The following ARMC6 variants were observed in gnomAD, a reference collection of about 807,000 sequenced individuals.
ARMC6 encodes armadillo repeat containing 6.
ARMC6 carries 43 observed loss-of-function variants against 49.2 expected under a neutral mutation model. The observed-to-expected ratio is 0.87, with a 90% CI of 0.69 to 1.13. The LOEUF (loss-of-function observed/expected upper bound fraction) is 1.13, where lower values mean the gene tolerates loss of function less well. Ranked by LOEUF, ARMC6 falls within the 50% of genes most tolerant of loss-of-function variation. The pLI is 0.00. For synonymous variants in ARMC6, 262 were observed against 289.6 expected (o/e 0.90, Z 0.97); for missense variants, 627 against 682.0 (o/e 0.92, Z 0.90).
intron 4 of ARMC6, among the ~76,000 whole-genome samples, chr19:19,044,955 G>C (rs2059437466): frequency 6.6e-6 from 1 of 152,124 alleles, no homozygotes; most frequent in Admixed American, 6.5e-5. Flanking sequence ...CCTCGTTGTT[G>C]TTAGTTTGCT....
chr19:19,040,322 T>C (rs2059401624), intron 2 of ARMC6, among the ~76,000 whole-genome samples: 2 of 152,162 alleles, frequency 1.3e-5, no homozygotes, highest in Admixed American at 1.3e-4. Context: ...TATCTGTTTC[T>C]CTCCTGTCAC....
rs187002565 is a variant in ARMC6 at position 19,045,072 on chromosome 19, G to A, written c.279+998G>A. 3.2e-4 allele frequency among the ~76,000 whole-genome samples: 49 copies of A among 150,976 alleles called. No individual in the cohort carries two copies. The East Asian group carries it at 6.0e-3, about 18-fold the overall frequency. ...GTTGCCCAGGCTGGTGTGCACTGGCGTGATCTCAGCTCACTGCAACTTCCA... is the reference window on the plus strand; with the variant it reads ...GTTGCCCAGGCTGGTGTGCACTGGCATGATCTCAGCTCACTGCAACTTCCA... On this transcript the variant is annotated intron_variant, in intron 4 of 8. Coordinates refer to ENST00000535612, the MANE Select transcript of ARMC6 (RefSeq NM_001199196.2).
chr19:19,054,824 G>T (rs1364495317), intron 6 of ARMC6, among the ~76,000 whole-genome samples: 2 of 152,154 alleles, frequency 1.3e-5, no homozygotes, highest in Non-Finnish European at 2.9e-5. Context: ...AAGTGGCCAG[G>T]AGCTGAATGG....
At position 19,055,995 on chromosome 19, in the gene ARMC6, A is replaced by G. The variant is rs1470025991; in HGVS notation, c.1293+67A>G. ...ATGTGCAGGTAGGTGCAGAGAGGGC[A>G]TGGGAGCAGGTGCGGTGTGCGGGTG... On this transcript the variant is annotated intron_variant, in intron 8 of 8. Transcript: ENST00000535612. The surrounding 1 kb of genome is among the most constrained non-coding windows in gnomAD (Gnocchi z 5.7). 6.5e-7 allele frequency: 1 copy of G among 1,534,236 alleles called. No homozygotes were observed. Among genetic ancestry groups the G allele is most frequent in the Non-Finnish European group, 8.8e-7 (1 of 1,139,980 alleles).
chr19:19,052,016 T>C lies in ARMC6; in HGVS notation c.674T>C (p.Leu225Pro), dbSNP rs1164082723. The C allele has an allele frequency of 6.2e-7, 1 of 1,614,080 alleles. No homozygotes were observed. Among genetic ancestry groups the C allele is most frequent in the Non-Finnish European group, 8.5e-7 (1 of 1,180,048 alleles). ...DLVKAGVLPLLTGAITHHGHH... is the reference protein window; with the variant it reads ...DLVKAGVLPLPTGAITHHGHH... ...GTGAAAGCTGGCGTGCTGCCTCTGC[T>C]GACTGGTGCCATCACCCATCATGGC... Residue 225 changes from leucine to proline, a missense_variant, in exon 5 of 9, where the codon CTG becomes CCG. By Grantham distance (98) the Leu-to-Pro change is moderately conservative. Transcript: ENST00000535612.
chr19:19,054,821 C>A (rs2059529901), intron 6 of ARMC6, among the ~76,000 whole-genome samples: 1 of 152,182 alleles, frequency 6.6e-6, no homozygotes, highest in African/African-American at 2.4e-5. Context: ...TGCAAGTGGC[C>A]AGGAGCTGAA....
chr19:19,043,265 G>T (rs2059424181), intron 3 of ARMC6, among the ~76,000 whole-genome samples: 1 of 152,236 alleles, frequency 6.6e-6, no homozygotes, highest in Non-Finnish European at 1.5e-5. Context: ...GATGAGTGTG[G>T]TTATGAGGGG....
At chr19:19,034,046 G>T (rs1046635944) in intron 1 of ARMC6, 85 bp from the exon 2 acceptor site, 3 of 598,532 alleles carry the variant, frequency 5.0e-6, no homozygotes, top group East Asian at 3.0e-5. Flanking sequence ...AAAAATGAAA[G>T]AATTTTACAG....
rs190241444 is a variant in ARMC6, at chr19:19,049,993, C to T, written c.280-1629C>T. Among the ~76,000 whole-genome samples the T allele has an allele frequency of 4.1e-3, 622 of 152,108 alleles. 7 individuals are homozygous for T. Among genetic ancestry groups the T allele is most frequent in the Middle Eastern group, 0.021 (6 of 292 alleles). ...GAGCTGAGATGGTACCACTCCACTC[C>T]AGCCTGGGTGACAGAGGAAGACTCC... On this transcript the variant is annotated intron_variant, in intron 4 of 8. Coordinates refer to ENST00000535612, the MANE Select transcript of ARMC6 (RefSeq NM_001199196.2).
In ARMC6 at chr19:19,054,273, G is replaced by T; in HGVS notation, c.975G>T (p.Leu325=). ...DLGGLSILVS[L]LADCNDHQMR... is the part of the protein sequence containing the mutation. ...GGGGCCTGAGCATTCTGGTGTCCCT[G>T]CTAGCCGACTGCAATGACCACCAGA... Residue 325 remains leucine, a synonymous_variant, in exon 6 of 9, where the codon CTG becomes CTT. Coordinates refer to ENST00000535612, the MANE Select transcript of ARMC6 (RefSeq NM_001199196.2). The T allele has an allele frequency of 6.2e-7, 1 of 1,609,608 alleles. No homozygotes were observed. The highest frequency in any genetic ancestry group is 8.5e-7 in the Non-Finnish European group (1 of 1,178,090).
chr19:19,054,227 G>A lies in ARMC6; in HGVS notation c.929G>A (p.Cys310Tyr), dbSNP rs376186716. ...LSRLAIRNEFCQEVVDLGGLS... is the reference protein window; with the variant it reads ...LSRLAIRNEFYQEVVDLGGLS... ...CGCCTGGCCATTCGCAACGAGTTCT[G>A]CCAGGAGGTCGTCGACCTCGGGGGC... is the stretch of plus-strand genomic sequence containing the variant. Residue 310 changes from cysteine (C) to tyrosine (Y), a missense_variant, in exon 6 of 9, where the codon TGC becomes TAC. Physicochemically the swap from Cys to Tyr is radical, Grantham distance 194 (BLOSUM62 -2). Coordinates refer to ENST00000535612, the MANE Select transcript of ARMC6 (RefSeq NM_001199196.2). 1 of 1,611,764 alleles carries A rather than the reference G, an allele frequency of 6.2e-7. No homozygotes were observed. The highest frequency in any genetic ancestry group is 1.3e-5 in the African/African-American group (1 of 74,748).
chr19:19,034,024 T>TG (rs925237328), intron 1 of ARMC6, 94 bp downstream of exon 1: 80 of 531,130 alleles, frequency 1.5e-4, no homozygotes, highest in Non-Finnish European at 2.2e-4. Context: ...GTACGTGGTT[T>TG]GGGGGGAAAA....
At position 19,057,708 on chromosome 19, in the gene ARMC6, C is replaced by A; in HGVS notation, c.*80C>A. 2 of 1,398,262 alleles carry A rather than the reference C, an allele frequency of 1.4e-6. No homozygotes were observed. Among genetic ancestry groups the A allele is most frequent in the Non-Finnish European group, 2.0e-6 (2 of 996,344 alleles). The allele number at this position is 1,398,262 out of a possible 1,614,324, so 86.6% of individuals were successfully genotyped here. On this transcript the variant is annotated 3_prime_UTR_variant, in exon 9 of 9. Transcript: ENST00000535612. ...GGGTAGATCCATGTCCTCCACTGTC[C>A]CCCATTAGTTCTGTCCCCTTCACAA...
At chr19:19,052,566 G>A (rs1490543791) in intron 5 of ARMC6, among the ~76,000 whole-genome samples, 2 of 152,196 alleles carry the variant, frequency 1.3e-5, no homozygotes, top group Non-Finnish European at 2.9e-5. Flanking sequence ...TCAGCTGGAT[G>A]TGTACACGCT....
chr19:19,056,300 C>T (rs1430923811), intron 8 of ARMC6, among the ~76,000 whole-genome samples: 13 of 142,822 alleles, frequency 9.1e-5, no homozygotes, highest in African/African-American at 3.2e-4. Context: ...CTCACTCTGT[C>T]GCCCAGGCTG....
At chr19:19,040,221 G>A (rs1808856024) in intron 2 of ARMC6, among the ~76,000 whole-genome samples, 1 of 152,172 alleles carries the variant, frequency 6.6e-6, no homozygotes, top group African/African-American at 2.4e-5. Context: ...TCTTGATGAT[G>A]TGAGATCAAG....
intron 5 of ARMC6, among the ~76,000 whole-genome samples, chr19:19,053,242 C>T (rs539461633): frequency 1.3e-5 from 2 of 152,292 alleles, no homozygotes; most frequent in Admixed American, 6.5e-5. Flanking sequence ...AATGTCAGCA[C>T]TTTGGGAGGC....
chr19:19,048,071 G>A (rs912261183), intron 4 of ARMC6, among the ~76,000 whole-genome samples: 9 of 152,130 alleles, frequency 5.9e-5, no homozygotes, highest in South Asian at 2.1e-4. Context: ...ATTAGGCCAC[G>A]TGTGGTGGCT....
chr19:19,051,580 T>C, intron 4 of ARMC6, 42 bp from the exon 5 acceptor site: 2 of 1,529,912 alleles, frequency 1.3e-6, no homozygotes, highest in Non-Finnish European at 8.8e-7. Context: ...CATGGGTTCC[T>C]CTTGCCTGAG....
Sources: gnomAD v4.1 joint callset for allele counts (sites outside exome capture counted in the v4.1 genomes callset) on GRCh38, gnomAD v4.1.1 for gene constraint, Gnocchi (gnomAD v3.1) non-coding constraint, MANE v1.5 for transcripts, NCBI Gene and HGNC (gene_info 2026-07-23, HGNC 2026-07-21) for gene names.